The following SASH1 variants were observed in gnomAD, a reference collection of about 807,000 sequenced individuals.
The protein encoded by SASH1 is SAM and SH3 domain containing 1.
A neutral mutation model predicts 125.2 loss-of-function variants in SASH1; 44 were observed. The ratio of observed to expected loss-of-function variants is 0.35; its 90% CI spans 0.28 to 0.45. The LOEUF is 0.45. SASH1 is among the 20% of genes least tolerant of loss of function. The pLI is 1.00. For missense variants in SASH1, 1,426 were observed against 1,614.5 expected (o/e 0.88, Z 2.00); for synonymous variants, 639 against 649.1 (o/e 0.98, Z 0.24).
At chr6:148,342,182 G>A (rs1582988700), upstream of SASH1, among the ~76,000 whole-genome samples, 1 of 152,168 alleles carries the variant, frequency 6.6e-6, no homozygotes, top group Non-Finnish European at 1.5e-5. Flanking sequence ...GAGCCAAAAT[G>A]CCCCCACTCA....
Position 148,549,703 on chromosome 6 carries a change from T to G in SASH1, c.*1145T>G. The G allele has an allele frequency of 5.0e-6, 2 of 398,438 alleles. No individual in the cohort carries two copies. Among genetic ancestry groups the G allele is most frequent in the Non-Finnish European group, 8.9e-6 (2 of 225,740 alleles). The allele number at this position is 398,438 out of a possible 1,614,324, so 24.7% of individuals were successfully genotyped here. ...TATCCTTCTTTTTTTATTTAGATAATTCTTTTAATTTAAACAAAGGTTCAC... is the reference window on the plus strand; with the variant it reads ...TATCCTTCTTTTTTTATTTAGATAAGTCTTTTAATTTAAACAAAGGTTCAC... On this transcript the variant is annotated 3_prime_UTR_variant, in exon 20 of 20. Transcript: ENST00000367467.
At chr6:148,203,040 A>T in the SASH1 span, among the ~76,000 whole-genome samples, 1 of 152,232 alleles carries the variant, frequency 6.6e-6, no homozygotes. Flanking sequence ...ATTAAGAAAA[A>T]TTTAGAAATG....
chr6:148,545,647 G>A (rs569376031), intron 18 of SASH1, among the ~76,000 whole-genome samples: 1 of 152,336 alleles, frequency 6.6e-6, no homozygotes, highest in South Asian at 2.1e-4. Flanking sequence ...TGAAAAATGT[G>A]GAATAATTGT....
intron 4 of SASH1, among the ~76,000 whole-genome samples, chr6:148,442,535 T>TCA (rs1254185760): frequency 3.3e-5 from 5 of 150,870 alleles, no homozygotes; most frequent in East Asian, 2.0e-4. Context: ...TCTCTCTCTC[T>TCA]CACACACCCC....
At chr6:148,425,827 G>C (rs1402172234) in intron 2 of SASH1, among the ~76,000 whole-genome samples, 2 of 150,004 alleles carry the variant, frequency 1.3e-5, no homozygotes, top group Admixed American at 6.7e-5. Flanking sequence ...TGCCTCCTAG[G>C]GTCAAGTGAT....
At chr6:148,394,663 A>C (rs1281442894) in intron 2 of SASH1, among the ~76,000 whole-genome samples, 1 of 150,076 alleles carries the variant, frequency 6.7e-6, no homozygotes, top group African/African-American at 2.5e-5. Context: ...TTCTTTTTTG[A>C]GATGGAGTTT....
At position 148,445,783 on chromosome 6, in the gene SASH1, C is replaced by T. The variant is rs139054101; in HGVS notation, c.386+5376C>T. Among the ~76,000 whole-genome samples the T allele has an allele frequency of 6.6e-4, 101 of 152,306 alleles. No homozygotes were observed. In the East Asian group the frequency reaches 0.019, roughly 28 times the overall value. ...AGAGCTTTCCTAGAAACCCTGTCCA[C>T]CACATTCCAGTGTGTGCCACTCATT... On this transcript the variant is annotated intron_variant, in intron 4 of 19. Coordinates refer to ENST00000367467, the MANE Select transcript of SASH1 (RefSeq NM_015278.5).
At chr6:148,409,513 A>AT in intron 2 of SASH1, among the ~76,000 whole-genome samples, 1 of 151,928 alleles carries the variant, frequency 6.6e-6, no homozygotes, top group South Asian at 2.1e-4. Context: ...TATGTAAGAA[A>AT]TTTCTTACCT....
At chr6:148,232,776 C>T in the SASH1 span, among the ~76,000 whole-genome samples, 15 of 152,252 alleles carry the variant, frequency 9.9e-5, no homozygotes, top group South Asian at 2.9e-3. Flanking sequence ...CAATGTGTAC[C>T]TCAAAGATTT....
At chr6:148,329,363 G>A (rs1340574928) in intron 1 of SASH1, among the ~76,000 whole-genome samples, 1 of 152,204 alleles carries the variant, frequency 6.6e-6, no homozygotes, top group African/African-American at 2.4e-5. Flanking sequence ...ATTCAGGCCA[G>A]CACTAGCCAT....
At chr6:148,383,292 T>C (rs1783225811) in intron 1 of SASH1, among the ~76,000 whole-genome samples, 1 of 152,240 alleles carries the variant, frequency 6.6e-6, no homozygotes, top group South Asian at 2.1e-4. Flanking sequence ...TAGGTTTCAT[T>C]GTACCATAGT....
At position 148,389,149 on chromosome 6, in the gene SASH1, C is replaced by T. The variant is rs553329394; in HGVS notation, c.157-985C>T. Among the ~76,000 whole-genome samples, 9 of 152,236 alleles carry T rather than the reference C, an allele frequency of 5.9e-5. No individual in the cohort carries two copies. In the South Asian group the frequency reaches 1.0e-3, roughly 18 times the overall value. On this transcript the variant is annotated intron_variant, in intron 1 of 19. Transcript: ENST00000367467. ...TAATCTTGCAGTGAGTATTACACTG[C>T]GAGAAATTTTTAGCATTTACTACAT...
At chr6:148,418,716 C>G (rs1784924480) in intron 2 of SASH1, among the ~76,000 whole-genome samples, 1 of 152,220 alleles carries the variant, frequency 6.6e-6, no homozygotes, top group South Asian at 2.1e-4. Context: ...GCCCAGGGTA[C>G]ACTGAAGTCT....
rs542638609 is a variant in SASH1, at chr6:148,495,352, T to G, written c.729+7637T>G. Reference sequence around the variant, plus strand: ...GAGCAGAGTGGCAGCATCCTTCTACTTGTATAACCACTGTCGTCTTTTATA... The same window carrying G: ...GAGCAGAGTGGCAGCATCCTTCTACGTGTATAACCACTGTCGTCTTTTATA... On this transcript the variant is annotated intron_variant, in intron 8 of 19. Coordinates refer to ENST00000367467, the MANE Select transcript of SASH1 (RefSeq NM_015278.5). This position sits in a 1 kb window ranked among gnomAD's most constrained non-coding sequence, Gnocchi z 4.0. Among the ~76,000 whole-genome samples the G allele has an allele frequency of 1.2e-4, 18 of 152,332 alleles. No homozygotes were observed. The highest frequency in any genetic ancestry group is 4.1e-4 in the African/African-American group (17 of 41,570).
chr6:148,363,520 C>A (rs1420703194), intron 1 of SASH1, among the ~76,000 whole-genome samples: 1 of 152,060 alleles, frequency 6.6e-6, no homozygotes, highest in African/African-American at 2.4e-5. Context: ...TCTGCCTCAG[C>A]CTCCTGAGTA....
the SASH1 span, among the ~76,000 whole-genome samples, chr6:148,232,991 G>A: frequency 2.6e-5 from 4 of 152,008 alleles, no homozygotes; most frequent in African/African-American, 4.8e-5. Flanking sequence ...CAAGGTGGGC[G>A]GATCACCTGA....
At chr6:148,255,563 C>G in the SASH1 span, among the ~76,000 whole-genome samples, 4 of 152,136 alleles carry the variant, frequency 2.6e-5, no homozygotes, top group Non-Finnish European at 4.4e-5. Context: ...TGGCACATGA[C>G]TGGACTTGGT....
In SASH1 at chr6:148,544,173, T is replaced by C. The variant is rs756515193; in HGVS notation, c.2703T>C (p.Ser901=). ...TACTGACCCAAAGCAAGAGATTTTCTGAACCTCAGAAATTGACAACTAAGA... is the reference window on the plus strand; with the variant it reads ...TACTGACCCAAAGCAAGAGATTTTCCGAACCTCAGAAATTGACAACTAAGA... ...ALLLTQSKRF[S]EPQKLTTKKL... Residue 901 remains serine, a synonymous_variant, in exon 18 of 20, where the codon TCT becomes TCC. Transcript: ENST00000367467. The surrounding 1 kb of genome is among the most constrained non-coding windows in gnomAD (Gnocchi z 6.4). 1 of 1,614,154 alleles carries C rather than the reference T, an allele frequency of 6.2e-7. No homozygotes were observed. Among genetic ancestry groups the C allele is most frequent in the Admixed American group, 1.7e-5 (1 of 60,024 alleles).
At chr6:148,334,997 A>C (rs1309341265) in intron 1 of SASH1, among the ~76,000 whole-genome samples, 1 of 148,900 alleles carries the variant, frequency 6.7e-6, no homozygotes, top group African/African-American at 2.5e-5. Context: ...AAAGAAAAGA[A>C]AAGAAAAAAA....
Sources: gnomAD v4.1 joint callset for allele counts (sites outside exome capture counted in the v4.1 genomes callset) on GRCh38, gnomAD v4.1.1 for gene constraint, Gnocchi (gnomAD v3.1) non-coding constraint, MANE v1.5 for transcripts, NCBI Gene and HGNC (gene_info 2026-07-23, HGNC 2026-07-21) for gene names.